C1orf232: variants seen among roughly 807,000 people sequenced by gnomAD.
C1orf232 encodes the protein uncharacterized protein C1orf232.
In C1orf232, 10 loss-of-function variants were observed where a neutral mutation model predicts 12.1. The observed-to-expected ratio is 0.82, with a 90% CI of 0.51 to 1.40. The LOEUF (loss-of-function observed/expected upper bound fraction) is 1.40. C1orf232 is among the 40% of genes most tolerant of loss of function. The probability of loss-of-function intolerance (pLI) is 0.00; values close to 1 mark genes in which losing one functional copy is unlikely to be tolerated. For synonymous variants in C1orf232, 36 were observed against 39.8 expected (o/e 0.90, Z 0.36); for missense variants, 88 against 98.4 (o/e 0.89, Z 0.45).
chr1:26,168,371 G>A (rs1267934137), intron 1 of C1orf232, 45 bp downstream of exon 1: 3 of 1,203,808 alleles, frequency 2.5e-6, no homozygotes, highest in Non-Finnish European at 3.1e-6. Flanking sequence ...CATTCCTGCT[G>A]CCCCTCTGCA....
chr1:26,166,907 A>G (rs1033745132), intron 1 of C1orf232, among the ~76,000 whole-genome samples: 1 of 152,330 alleles, frequency 6.6e-6, no homozygotes. Flanking sequence ...ATACCAAAAC[A>G]CATACACCAT....
At position 26,164,450 on chromosome 1, in the gene C1orf232, A is replaced by G. The variant is rs2124493576; in HGVS notation, c.272T>C (p.Leu91Pro). Residue 91 changes from leucine (L) to proline (P), a missense_variant, in exon 4 of 4, where the codon CTG (leucine) becomes CCG (proline). By Grantham distance (98) the Leu-to-Pro change is moderately conservative. Transcript: ENST00000634842. The surrounding 1 kb of genome is among the most constrained non-coding windows in gnomAD (Gnocchi z 4.2). ...LPSEPCADHP[L>P]AARPPSQAAA... ...CGCCTGCGAGGGGGGTCGCGCCGCCAGAGGGCTGCGGGAGAGGGCCGCGGT... is the reference window on the plus strand; with the variant it reads ...CGCCTGCGAGGGGGGTCGCGCCGCCGGAGGGCTGCGGGAGAGGGCCGCGGT... The G allele has an allele frequency of 5.3e-6, 2 of 377,338 alleles. No individual in the cohort carries two copies. Among genetic ancestry groups the G allele is most frequent in the Non-Finnish European group, 9.4e-6 (2 of 212,468 alleles). 23.4% of individuals were successfully genotyped at this position (377,338 alleles called of 1,614,324 possible).
At position 26,164,498 on chromosome 1, in the gene C1orf232, C is replaced by G. The variant is rs1200792455; in HGVS notation, c.267-43G>C. 6 of 373,996 alleles carry G rather than the reference C, an allele frequency of 1.6e-5. No individual in the cohort carries two copies. The highest frequency in any genetic ancestry group is 4.2e-5 in the African/African-American group (2 of 47,608). The allele number at this position is 373,996 out of a possible 1,614,324, so 23.2% of individuals were successfully genotyped here. On this transcript the variant is annotated intron_variant, in intron 3 of 3. Coordinates refer to ENST00000634842, the MANE Select transcript of C1orf232 (RefSeq NM_001364669.2). This position sits in a 1 kb window ranked among gnomAD's most constrained non-coding sequence, Gnocchi z 4.2. ...GGTCAGGGAAGCGGCCGGGCGGTCC[C>G]GCGGAGGAACATCGGCTGGGCTGAC... is the stretch of plus-strand genomic sequence containing the variant.
chr1:26,168,780 G>A lies in C1orf232; in HGVS notation c.-281C>T, dbSNP rs1557613092. Among the ~76,000 whole-genome samples the A allele has an allele frequency of 1.3e-5, 2 of 152,192 alleles. No individual in the cohort carries two copies. Among genetic ancestry groups the A allele is most frequent in the Non-Finnish European group, 2.9e-5 (2 of 68,038 alleles). The stretch of plus-strand genomic sequence containing the variant: ...TAATGAAGTCATTTGTCTCTAGAGA[G>A]GCTTTCTTCCTGGGCCTAGGAGTAC... On this transcript the variant is annotated 5_prime_UTR_variant, in exon 1 of 4. Transcript: ENST00000634842.
At chr1:26,166,218 A>C (rs2088424231) in intron 1 of C1orf232, 100 bp from the exon 2 acceptor site, 3 of 817,684 alleles carry the variant, frequency 3.7e-6, no homozygotes, top group East Asian at 3.4e-5. Context: ...GGCACCCCAA[A>C]TCCCACAGAA....
chr1:26,164,429 T>G lies in C1orf232; in HGVS notation c.293A>C (p.Gln98Pro). 1 of 380,300 alleles carries G rather than the reference T, an allele frequency of 2.6e-6. No homozygotes were observed. The highest frequency in any genetic ancestry group is 3.8e-5 in the East Asian group (1 of 26,084). The allele number at this position is 380,300 out of a possible 1,614,324, so 23.6% of individuals were successfully genotyped here. A position where few individuals can be genotyped will look rare whatever the true frequency, so the allele number is the denominator to read the frequency against. Residue 98 changes from glutamine to proline, a missense_variant, in exon 4 of 4, where the codon CAG (glutamine) becomes CCG (proline). Physicochemically the swap from Gln to Pro is moderately conservative, Grantham distance 76 (BLOSUM62 -1). Coordinates refer to ENST00000634842, the MANE Select transcript of C1orf232 (RefSeq NM_001364669.2). This position sits in a 1 kb window ranked among gnomAD's most constrained non-coding sequence, Gnocchi z 4.2. ...GCGCGCCTCCGCCGCCGCCGCCGCC[T>G]GCGAGGGGGGTCGCGCCGCCAGAGG... ...DHPLAARPPS[Q>P]AAAAAEARGP...
At chr1:26,168,250 G>C (rs1204576863) in intron 1 of C1orf232, among the ~76,000 whole-genome samples, 166 bp downstream of exon 1, 1 of 152,166 alleles carries the variant, frequency 6.6e-6, no homozygotes, top group East Asian at 1.9e-4. Flanking sequence ...TTTCTTGAAT[G>C]TCCTGGCTTT....
chr1:26,165,558 GC>G (rs2088416432), intron 3 of C1orf232: 1 of 448,210 alleles, frequency 2.2e-6, no homozygotes, highest in African/African-American at 2.0e-5. Flanking sequence ...TAGAGAGATG[GC>G]CCCTCCCAAG....
rs2088451547 is a variant in C1orf232 at position 26,168,694 on chromosome 1, T to A, written c.-195A>T. The A allele has an allele frequency of 7.6e-6, 3 of 395,986 alleles. No homozygotes were observed. In the Admixed American group the frequency reaches 1.3e-4, roughly 18 times the overall value. 24.5% of individuals were successfully genotyped at this position (395,986 alleles called of 1,614,324 possible). On this transcript the variant is annotated 5_prime_UTR_variant, in exon 1 of 4. Coordinates refer to ENST00000634842, the MANE Select transcript of C1orf232 (RefSeq NM_001364669.2). Reference sequence around the variant, plus strand: ...AACCTGATCCAAAGGAGTCGGGGAGTGGGGGATGGAACAAGCTTCTGCCAC... The same window carrying A: ...AACCTGATCCAAAGGAGTCGGGGAGAGGGGGATGGAACAAGCTTCTGCCAC...
intron 1 of C1orf232, among the ~76,000 whole-genome samples, chr1:26,167,146 T>G (rs1321905586): frequency 6.6e-6 from 1 of 152,230 alleles, no homozygotes; most frequent in East Asian, 1.9e-4. Flanking sequence ...CTGCCACATT[T>G]TGTGTGATTG....
rs1371861242 is a variant in C1orf232, at chr1:26,165,920, G to A, written c.172C>T (p.Gln58Ter). The stretch of plus-strand genomic sequence containing the variant: ...AGCCAGCCTTTCACCCCGACCCCCT[G>A]AACCTGGGAAAGGGGTTGGGAGTCA... Reference protein sequence around the residue: ...NPMSQLARRVQGVGVKGWLTM... With the variant: ...NPMSQLARRV Residue 58 changes from glutamine (Q) to a stop codon, truncating the protein, a stop_gained, in exon 3 of 4, where the codon CAG (glutamine) becomes TAG (stop). Transcript: ENST00000634842. LOFTEE classifies it high-confidence loss of function. 4 of 1,231,622 alleles carry A rather than the reference G, an allele frequency of 3.2e-6. No individual in the cohort carries two copies. The highest frequency in any genetic ancestry group is 4.0e-6 in the Non-Finnish European group (4 of 988,026). 76.3% of individuals were successfully genotyped at this position (1,231,622 alleles called of 1,614,324 possible).
rs139936213 is a variant in C1orf232 at position 26,166,299 on chromosome 1, G to A, written c.85-181C>T. On this transcript the variant is annotated intron_variant, in intron 1 of 3. Transcript: ENST00000634842. Reference sequence around the variant, plus strand: ...GAATGCATACAGGTATACCTGCAGAGTAAATCCCTGCAGACACCCTTTTTT... The same window carrying A: ...GAATGCATACAGGTATACCTGCAGAATAAATCCCTGCAGACACCCTTTTTT... Among the ~76,000 whole-genome samples the A allele has an allele frequency of 1.4e-3, 215 of 152,278 alleles. 1 individual carries two copies. The highest frequency in any genetic ancestry group is 4.7e-3 in the African/African-American group (195 of 41,552).
rs1445622121 is a variant in C1orf232, at chr1:26,166,102, A to T, written c.101T>A (p.Leu34Ter). 1 of 1,231,408 alleles carries T rather than the reference A, an allele frequency of 8.1e-7. No homozygotes were observed. The highest frequency in any genetic ancestry group is 1.6e-5 in the African/African-American group (1 of 64,302). 76.3% of individuals were successfully genotyped at this position (1,231,408 alleles called of 1,614,324 possible). A position where few individuals can be genotyped will look rare whatever the true frequency, so the allele number is the denominator to read the frequency against. Reference sequence around the variant, plus strand: ...CGGTTCTGCTGTCTCAGACCCCACTAATGCTGGGTTCTCCCTCTGGGACAC... The same window carrying T: ...CGGTTCTGCTGTCTCAGACCCCACTTATGCTGGGTTCTCCCTCTGGGACAC... Reference protein sequence around the residue: ...DLAEERENPALVGSETAEPTE... With the variant: ...DLAEERENPA Residue 34 changes from leucine to a stop codon, truncating the protein, a stop_gained, in exon 2 of 4, where the codon TTA (leucine) becomes TAA (stop). Transcript: ENST00000634842. LOFTEE classifies it high-confidence loss of function.
intron 1 of C1orf232, among the ~76,000 whole-genome samples, 161 bp downstream of exon 1, chr1:26,168,255 G>A: frequency 6.6e-6 from 1 of 152,234 alleles, no homozygotes; most frequent in South Asian, 2.1e-4. Flanking sequence ...TGAATGTCCT[G>A]GCTTTCTGAT....
chr1:26,167,112 G>T (rs556757425), intron 1 of C1orf232, among the ~76,000 whole-genome samples: 4 of 152,040 alleles, frequency 2.6e-5, no homozygotes, highest in Non-Finnish European at 5.9e-5. Flanking sequence ...ACCATTCCCC[G>T]CCCCTCTGAA....
At chr1:26,165,380 G>T (rs891251948) in intron 3 of C1orf232, among the ~76,000 whole-genome samples, 4 of 152,164 alleles carry the variant, frequency 2.6e-5, no homozygotes, top group Non-Finnish European at 4.4e-5. Context: ...AACATGGCTA[G>T]ATCCCCAAGA....
At chr1:26,165,702 A>G (rs759529918) in intron 3 of C1orf232, 124 bp downstream of exon 3, 1 of 1,230,012 alleles carries the variant, frequency 8.1e-7, no homozygotes, top group Non-Finnish European at 1.0e-6. Flanking sequence ...AAACAGAAAC[A>G]GCCTGGGACT....
At chr1:26,166,649 C>T (rs536742039) in intron 1 of C1orf232, among the ~76,000 whole-genome samples, 1 of 152,274 alleles carries the variant, frequency 6.6e-6, no homozygotes, top group African/African-American at 2.4e-5. Context: ...ACCTGCCCAC[C>T]ACAGACACAT....
rs2088449549 is a variant in C1orf232 at position 26,168,487 on chromosome 1, A to C, written c.13T>G (p.Phe5Val). The C allele has an allele frequency of 1.4e-5, 17 of 1,231,816 alleles. No individual in the cohort carries two copies. Among genetic ancestry groups the C allele is most frequent in the Non-Finnish European group, 1.5e-5 (15 of 988,118 alleles). 76.3% of individuals were successfully genotyped at this position (1,231,816 alleles called of 1,614,324 possible). A position where few individuals can be genotyped will look rare whatever the true frequency, so the allele number is the denominator to read the frequency against. Reference protein sequence around the residue: MNQAFWKTYKSKVLQ... With the variant: MNQAVWKTYKSKVLQ... ...ACTTTGGACTTGTAGGTTTTCCAGAAGGCCTGGTTCATGGCTGCAGGGGGA... is the reference window on the plus strand; with the variant it reads ...ACTTTGGACTTGTAGGTTTTCCAGACGGCCTGGTTCATGGCTGCAGGGGGA... The change falls in exon 1 of 4, where the codon TTC becomes GTC. Residue 5 changes from phenylalanine (F) to valine (V), a missense_variant. Coordinates refer to ENST00000634842, the MANE Select transcript of C1orf232 (RefSeq NM_001364669.2).
Sources: allele counts gnomAD v4.1 joint callset (sites outside exome capture counted in the v4.1 genomes callset), GRCh38; gene constraint gnomAD v4.1.1; non-coding constraint Gnocchi (gnomAD v3.1); transcripts MANE v1.5; gene names NCBI Gene and HGNC (gene_info 2026-07-23, HGNC 2026-07-21).